The following TNIP3 variants were observed in gnomAD, a reference collection of about 807,000 sequenced individuals.
The protein encoded by TNIP3 is TNFAIP3 interacting protein 3.
In TNIP3, 34 loss-of-function variants were observed where a neutral mutation model predicts 54.1. The ratio of observed to expected loss-of-function variants is 0.63; its 90% confidence interval spans 0.48 to 0.84. The LOEUF (loss-of-function observed/expected upper bound fraction) is 0.84. TNIP3 is among the 40% of genes least tolerant of loss of function. The pLI is 0.00. For missense variants in TNIP3, 366 were observed against 387.6 expected, an observed-to-expected ratio of 0.94 and a Z score of 0.47; for synonymous variants, 134 against 136.8, an observed-to-expected ratio of 0.98 and a Z score of 0.14.
intron 1 of TNIP3, among the ~76,000 whole-genome samples, chr4:121,226,565 G>A (rs960652612): frequency 6.6e-6 from 1 of 152,216 alleles, no homozygotes; most frequent in Non-Finnish European, 1.5e-5. Flanking sequence ...AGATTCCTAA[G>A]AAGAACAAAG....
At chr4:121,222,161 T>C (rs1239859649) in intron 1 of TNIP3, among the ~76,000 whole-genome samples, 3 of 152,216 alleles carry the variant, frequency 2.0e-5, no homozygotes, top group Non-Finnish European at 2.9e-5. Flanking sequence ...TCTTGATGCA[T>C]CTTAGAGGCT....
chr4:121,176,004 T>C (rs1560670853), intron 3 of TNIP3, among the ~76,000 whole-genome samples: 1 of 152,198 alleles, frequency 6.6e-6, no homozygotes, highest in Non-Finnish European at 1.5e-5. Context: ...TGGAATCCTT[T>C]AAAAATCCTC....
intron 2 of TNIP3, among the ~76,000 whole-genome samples, chr4:121,184,842 G>T (rs1454775365): frequency 6.6e-6 from 1 of 152,192 alleles, no homozygotes; most frequent in Non-Finnish European, 1.5e-5. Context: ...GGTTGCATAT[G>T]CATAACAATG....
At chr4:121,171,309 T>A (rs1342913988) in intron 3 of TNIP3, among the ~76,000 whole-genome samples, 1 of 152,316 alleles carries the variant, frequency 6.6e-6, no homozygotes, top group Non-Finnish European at 1.5e-5. Flanking sequence ...TTTTGTGCAA[T>A]TTATTTTGAA....
chr4:121,182,899 G>A, intron 2 of TNIP3: 1 of 1,159,894 alleles, frequency 8.6e-7, no homozygotes, highest in Non-Finnish European at 1.2e-6. Context: ...ATTTATGTAT[G>A]ATACTTCTCT....
At position 121,147,257 on chromosome 4, in the gene TNIP3, C is replaced by G. The variant is rs1729487876; in HGVS notation, c.610-83G>C. 1.3e-5 allele frequency: 19 copies of G among 1,503,686 alleles called. No individual in the cohort carries two copies. In the South Asian group the frequency reaches 2.4e-4, roughly 19 times the overall value. 93.1% of individuals were successfully genotyped at this position (1,503,686 alleles called of 1,614,324 possible). On this transcript the variant is annotated intron_variant, in intron 6 of 10. Coordinates refer to ENST00000057513, the MANE Select transcript of TNIP3 (RefSeq NM_024873.6). ...TGACTTTATTTTAAATGACTGCTGC[C>G]TACTCCATTATTGTAAAGAACCCTC...
intron 3 of TNIP3, among the ~76,000 whole-genome samples, chr4:121,171,429 T>C (rs552017212): frequency 6.6e-6 from 1 of 152,346 alleles, no homozygotes; most frequent in South Asian, 2.1e-4. Flanking sequence ...AGAATTTTGA[T>C]GGTGGGTATA....
At chr4:121,181,625 GT>G (rs1332378119) in intron 3 of TNIP3, among the ~76,000 whole-genome samples, 16 of 3,344 alleles carry the variant, frequency 4.8e-3, no homozygotes, top group African/African-American at 0.022. Flanking sequence ...AATAAGACAG[GT>G]GTGTGTGTGT....
chr4:121,147,231 A>G (rs1038498446), intron 6 of TNIP3, 57 bp from the exon 7 acceptor site: 7 of 1,565,004 alleles, frequency 4.5e-6, no homozygotes, highest in Non-Finnish European at 6.0e-6. Context: ...AGCCATTTAA[A>G]TGACTTTATT....
At chr4:121,153,325 G>A (rs532148369) in intron 5 of TNIP3, among the ~76,000 whole-genome samples, 4 of 152,140 alleles carry the variant, frequency 2.6e-5, no homozygotes, top group Non-Finnish European at 4.4e-5. Context: ...ATTCTTGGCT[G>A]TTCTAATATC....
At chr4:121,133,847 G>A (rs971552482) in intron 10 of TNIP3, among the ~76,000 whole-genome samples, 8 of 151,974 alleles carry the variant, frequency 5.3e-5, no homozygotes, top group Non-Finnish European at 8.8e-5. Flanking sequence ...TGTGAAGACC[G>A]AGGCAGAGAT....
chr4:121,180,640 G>A (rs1579451075), intron 3 of TNIP3, among the ~76,000 whole-genome samples: 2 of 152,188 alleles, frequency 1.3e-5, no homozygotes. Flanking sequence ...AAGAAGATGG[G>A]GTCTCGTATA....
chr4:121,169,725 A>G (rs757271822), intron 3 of TNIP3, among the ~76,000 whole-genome samples: 6 of 152,212 alleles, frequency 3.9e-5, no homozygotes, highest in Admixed American at 6.5e-5. Context: ...GCTTCCAACT[A>G]GTAAATCACC....
At chr4:121,135,162 T>C (rs1191261940) in intron 10 of TNIP3, among the ~76,000 whole-genome samples, 1 of 152,174 alleles carries the variant, frequency 6.6e-6, no homozygotes, top group East Asian at 1.9e-4. Flanking sequence ...AACTGAGCAT[T>C]GTAAATTGTA....
chr4:121,201,494 C>T (rs1194331799), intron 2 of TNIP3, among the ~76,000 whole-genome samples: 5 of 152,274 alleles, frequency 3.3e-5, no homozygotes, highest in South Asian at 2.1e-4. Flanking sequence ...AAATATGGTT[C>T]TACAGCATGA....
At chr4:121,170,825 T>C (rs1030926278) in intron 3 of TNIP3, among the ~76,000 whole-genome samples, 1 of 152,126 alleles carries the variant, frequency 6.6e-6, no homozygotes, top group African/African-American at 2.4e-5. Context: ...GAGATATCTT[T>C]TTTTTTTAAA....
intron 6 of TNIP3, among the ~76,000 whole-genome samples, chr4:121,148,267 G>A (rs1051867965): frequency 1.3e-5 from 2 of 152,102 alleles, no homozygotes; most frequent in African/African-American, 4.8e-5. Context: ...AATGATTGCG[G>A]GTGCCTGATT....
At chr4:121,219,621 C>G (rs1303291886), upstream of TNIP3, among the ~76,000 whole-genome samples, 1 of 152,158 alleles carries the variant, frequency 6.6e-6, no homozygotes, top group East Asian at 1.9e-4. Context: ...AAGTCAGATT[C>G]AAGGGCAGGG....
chr4:121,179,906 A>G (rs866313201), intron 3 of TNIP3, among the ~76,000 whole-genome samples: 6 of 152,160 alleles, frequency 3.9e-5, no homozygotes, highest in African/African-American at 1.4e-4. Context: ...GTACATGTAG[A>G]AAAGCACTCC....
Sources: gnomAD v4.1 joint callset for allele counts (sites outside exome capture counted in the v4.1 genomes callset) on GRCh38, gnomAD v4.1.1 for gene constraint, MANE v1.5 for transcripts, NCBI Gene and HGNC (gene_info 2026-07-23, HGNC 2026-07-21) for gene names.